The following PRR16 variants were observed in gnomAD, a reference collection of about 807,000 sequenced individuals.
PRR16 encodes protein Largen.
A neutral mutation model predicts 18.2 loss-of-function variants in PRR16; 6 were observed. That is an observed-to-expected ratio of 0.33 (90% CI 0.18 to 0.65). The LOEUF (loss-of-function observed/expected upper bound fraction) is 0.65, where lower values mean the gene tolerates loss of function less well. Among genes scored for constraint, PRR16 ranks in the 30% least tolerant of loss-of-function variants. PRR16 has a pLI of 0.74. For synonymous variants in PRR16, 151 were observed against 147.8 expected (o/e 1.02, Z -0.16); for missense variants, 412 against 376.6 (o/e 1.09, Z -0.78).
chr5:120,791,639 T>C, the PRR16 span, among the ~76,000 whole-genome samples: 41 of 145,622 alleles, frequency 2.8e-4, no homozygotes, highest in African/African-American at 8.0e-4. Flanking sequence ...ATCTATCATC[T>C]ATCTATCTAT....
chr5:120,770,924 A>ACTCTCTCTCTCTCTCTCTCTCTCTCT, the PRR16 span, among the ~76,000 whole-genome samples: 1 of 38,534 alleles, frequency 2.6e-5, no homozygotes, highest in African/African-American at 8.7e-5. Flanking sequence ...ACTCATTGGA[A>ACTCTCTCTCTCTCTCTCTCTCTCTCT]CACTCTCTCT....
the PRR16 span, among the ~76,000 whole-genome samples, chr5:120,713,299 C>T: frequency 2.0e-5 from 3 of 152,236 alleles, no homozygotes; most frequent in South Asian, 6.2e-4. Flanking sequence ...AACCTAGATA[C>T]ATAAATGTAG....
the PRR16 span, among the ~76,000 whole-genome samples, chr5:120,773,959 C>G: frequency 6.6e-6 from 1 of 152,066 alleles, no homozygotes; most frequent in Non-Finnish European, 1.5e-5. Context: ...ACTTGATATT[C>G]CGTAGCTTGC....
chr5:120,682,982 G>A (rs1199570551), intron 1 of PRR16, among the ~76,000 whole-genome samples: 2 of 152,142 alleles, frequency 1.3e-5, no homozygotes, highest in Non-Finnish European at 2.9e-5. Flanking sequence ...ATGTGTCAGA[G>A]TTAACCTGAC....
At chr5:120,791,608 T>C in the PRR16 span, among the ~76,000 whole-genome samples, 436 of 80,126 alleles carry the variant, frequency 5.4e-3, 1 homozygote, top group African/African-American at 0.015. Flanking sequence ...TCTATCTATC[T>C]ATCTATCTAT....
At chr5:120,551,462 A>G (rs1752252332) in intron 1 of PRR16, among the ~76,000 whole-genome samples, 1 of 151,998 alleles carries the variant, frequency 6.6e-6, no homozygotes, top group Non-Finnish European at 1.5e-5. Context: ...CGTCTATTAA[A>G]TGTGGATAAT....
intron 1 of PRR16, among the ~76,000 whole-genome samples, chr5:120,582,617 C>T (rs1454379082): frequency 6.6e-6 from 1 of 152,002 alleles, no homozygotes; most frequent in Non-Finnish European, 1.5e-5. Context: ...TTGTTAAGGA[C>T]TTTAAAAACA....
At chr5:120,583,411 G>T (rs1000607251) in intron 1 of PRR16, among the ~76,000 whole-genome samples, 4 of 151,712 alleles carry the variant, frequency 2.6e-5, no homozygotes, top group Admixed American at 1.3e-4. Context: ...AGAAAGTCTA[G>T]AAAACCAGGT....
At chr5:120,488,943 T>A (rs12514130) in intron 1 of PRR16, among the ~76,000 whole-genome samples, 1 of 151,968 alleles carries the variant, frequency 6.6e-6, no homozygotes, top group Non-Finnish European at 1.5e-5. Flanking sequence ...TGTTCAGTTT[T>A]GATGTAGTTG....
At chr5:120,713,995 A>G in the PRR16 span, among the ~76,000 whole-genome samples, 1 of 152,196 alleles carries the variant, frequency 6.6e-6, no homozygotes, top group Non-Finnish European at 1.5e-5. Flanking sequence ...GAAAATTCCT[A>G]GTGTTCCTAG....
the PRR16 span, among the ~76,000 whole-genome samples, chr5:120,771,872 ATAAT>A: frequency 4.6e-5 from 7 of 151,980 alleles, no homozygotes; most frequent in African/African-American, 1.7e-4. Context: ...TAGCCATTAA[ATAAT>A]TATATTCCAG....
the PRR16 span, among the ~76,000 whole-genome samples, chr5:120,705,839 A>G: frequency 2.6e-5 from 4 of 152,136 alleles, no homozygotes. Context: ...AGCCTGGTAC[A>G]AGATGATGTG....
chr5:120,638,030 G>C (rs759814322), intron 1 of PRR16, among the ~76,000 whole-genome samples: 6 of 151,960 alleles, frequency 3.9e-5, no homozygotes. Context: ...TGAAATACCT[G>C]GTGAACAGGG....
intron 1 of PRR16, among the ~76,000 whole-genome samples, chr5:120,661,805 G>A (rs1426863685): frequency 6.6e-6 from 1 of 151,986 alleles, no homozygotes; most frequent in Non-Finnish European, 1.5e-5. Context: ...CAAGACCCTG[G>A]AATTCCCCAA....
intron 1 of PRR16, among the ~76,000 whole-genome samples, chr5:120,622,268 A>G (rs1294082612): frequency 6.6e-6 from 1 of 152,084 alleles, no homozygotes; most frequent in African/African-American, 2.4e-5. Context: ...ATAAGTGTGT[A>G]TGGAGTGAAG....
the PRR16 span, among the ~76,000 whole-genome samples, chr5:120,714,896 C>A: frequency 6.6e-6 from 1 of 151,990 alleles, no homozygotes; most frequent in Non-Finnish European, 1.5e-5. Context: ...GAACAGAAAA[C>A]CAAACACTAC....
At chr5:120,501,466 G>T (rs1303218438) in intron 1 of PRR16, among the ~76,000 whole-genome samples, 1 of 152,036 alleles carries the variant, frequency 6.6e-6, no homozygotes, top group Non-Finnish European at 1.5e-5. Context: ...GACGATAAAA[G>T]TAAAAATAAG....
intron 1 of PRR16, among the ~76,000 whole-genome samples, chr5:120,580,740 G>A (rs1200172633): frequency 1.3e-5 from 2 of 151,828 alleles, no homozygotes; most frequent in Non-Finnish European, 2.9e-5. Flanking sequence ...CAGGAGTGAG[G>A]GATTTTGAAT....
chr5:120,601,236 A>G (rs965799533), intron 1 of PRR16, among the ~76,000 whole-genome samples: 32 of 151,744 alleles, frequency 2.1e-4, no homozygotes, highest in Non-Finnish European at 5.9e-5. Flanking sequence ...GCCAACATCT[A>G]TTATTTTTTG....
Sources: gnomAD v4.1 joint callset for allele counts (sites outside exome capture counted in the v4.1 genomes callset) on GRCh38, gnomAD v4.1.1 for gene constraint, MANE v1.5 for transcripts, NCBI Gene and HGNC (gene_info 2026-07-23, HGNC 2026-07-21) for gene names.